Variants in ERCC6L2 observed in about 807,000 individuals in gnomAD.
ERCC6L2 encodes the protein DNA excision repair protein ERCC-6-like 2.
In ERCC6L2, 77 loss-of-function variants were observed where a neutral mutation model predicts 132.0. The observed-to-expected ratio is 0.58, with a 90% CI of 0.49 to 0.71. ERCC6L2 has a LOEUF of 0.71. ERCC6L2 is among the 30% of genes least tolerant of loss of function. The probability of loss-of-function intolerance (pLI) is 0.00; values close to 1 mark genes in which losing one functional copy is unlikely to be tolerated. For synonymous variants in ERCC6L2, 583 were observed against 632.4 expected (o/e 0.92, Z 1.17); for missense variants, 1,542 against 1,837.6 (o/e 0.84, Z 2.94).
intron 16 of ERCC6L2, among the ~76,000 whole-genome samples, chr9:95,976,640 T>A (rs1470125074): frequency 6.6e-6 from 1 of 152,306 alleles, no homozygotes; most frequent in African/African-American, 2.4e-5. Context: ...TGAGGGTATC[T>A]TGTTATCTAA....
At chr9:95,879,048 T>G in intron 1 of ERCC6L2, among the ~76,000 whole-genome samples, 1 of 151,938 alleles carries the variant, frequency 6.6e-6, no homozygotes, top group East Asian at 1.9e-4. Context: ...TCAAATGGTA[T>G]TTCTAGTTCT....
chr9:96,029,428 C>T (rs1400870520), intron 19 of ERCC6L2, among the ~76,000 whole-genome samples: 4 of 152,018 alleles, frequency 2.6e-5, no homozygotes, highest in Admixed American at 6.6e-5. Flanking sequence ...GCTGCCCTTA[C>T]CACACTGTTC....
intron 19 of ERCC6L2, among the ~76,000 whole-genome samples, chr9:96,037,275 A>G (rs1176876436): frequency 6.6e-6 from 1 of 152,134 alleles, no homozygotes; most frequent in African/African-American, 2.4e-5. Context: ...TGCTATTGTC[A>G]ACTGCACACA....
At chr9:95,893,489 C>G (rs545275199) in intron 2 of ERCC6L2, among the ~76,000 whole-genome samples, 1 of 152,128 alleles carries the variant, frequency 6.6e-6, no homozygotes, top group Non-Finnish European at 1.5e-5. Flanking sequence ...AGTATTTTCC[C>G]CTTTTTCTAA....
intron 19 of ERCC6L2, among the ~76,000 whole-genome samples, chr9:96,031,717 TC>T (rs983544659): frequency 3.3e-5 from 5 of 152,304 alleles, no homozygotes; most frequent in African/African-American, 1.2e-4. Flanking sequence ...AGTGGGCAGA[TC>T]CCTGAGCCCT....
At chr9:95,973,340 CA>C (rs1182635934) in intron 16 of ERCC6L2, among the ~76,000 whole-genome samples, 1 of 152,226 alleles carries the variant, frequency 6.6e-6, no homozygotes, top group East Asian at 1.9e-4. Flanking sequence ...CCATAAATAC[CA>C]ATTATTCTAG....
chr9:95,944,397 G>A (rs1187954329), intron 12 of ERCC6L2, among the ~76,000 whole-genome samples: 1 of 152,194 alleles, frequency 6.6e-6, no homozygotes, highest in Non-Finnish European at 1.5e-5. Flanking sequence ...TGTGTAATGG[G>A]CATGGAATTT....
chr9:96,028,503 C>T (rs547157277), intron 19 of ERCC6L2, among the ~76,000 whole-genome samples: 2 of 152,286 alleles, frequency 1.3e-5, no homozygotes, highest in East Asian at 1.9e-4. Flanking sequence ...TAGGGTCCCA[C>T]GCAACAGAGG....
intron 6 of ERCC6L2, among the ~76,000 whole-genome samples, chr9:95,916,982 G>C (rs11790370): frequency 0.13 from 19,769 of 152,012 alleles, 1,362 homozygotes; most frequent in South Asian, 0.24. Flanking sequence ...ACCGTGCCTG[G>C]CCTCATCAAA....
rs1374404874 is a variant in ERCC6L2 at position 95,907,137 on chromosome 9, C to T, written c.654C>T (p.Thr218=). The T allele has an allele frequency of 6.2e-7, 1 of 1,613,190 alleles. No individual in the cohort carries two copies. Among genetic ancestry groups the T allele is most frequent in the Non-Finnish European group, 8.5e-7 (1 of 1,179,592 alleles). ...VLYNWKDELD[T]WGYFRVTVLH... ...ACAACTGGAAGGATGAATTGGACACCTGGGGATATTTCAGAGTCACTGTTT... is the reference window on the plus strand; with the variant it reads ...ACAACTGGAAGGATGAATTGGACACTTGGGGATATTTCAGAGTCACTGTTT... The change falls in exon 4 of 19, where the codon ACC becomes ACT. Residue 218 remains threonine (T), a synonymous_variant. Transcript: ENST00000653738.
chr9:95,890,681 T>A (rs1169523829), intron 2 of ERCC6L2, among the ~76,000 whole-genome samples: 1 of 152,160 alleles, frequency 6.6e-6, no homozygotes. Context: ...GTGTTTTTGT[T>A]TTTTGAGACA....
intron 3 of ERCC6L2, among the ~76,000 whole-genome samples, chr9:95,902,413 C>T (rs1255603703): frequency 2.6e-5 from 4 of 151,968 alleles, no homozygotes; most frequent in African/African-American, 4.8e-5. Flanking sequence ...ACACCAGCAT[C>T]GGAAGCAATT....
At chr9:95,894,821 C>G (rs558021599) in intron 2 of ERCC6L2, among the ~76,000 whole-genome samples, 1 of 152,170 alleles carries the variant, frequency 6.6e-6, no homozygotes, top group Admixed American at 6.5e-5. Context: ...GTTTTGAACT[C>G]CTAACCTCAG....
At chr9:95,961,418 A>C (rs994090157) in intron 13 of ERCC6L2, among the ~76,000 whole-genome samples, 75 of 152,274 alleles carry the variant, frequency 4.9e-4, no homozygotes, top group African/African-American at 1.7e-3. Context: ...ATCATTCCCT[A>C]AAATCTTCAG....
intron 11 of ERCC6L2, among the ~76,000 whole-genome samples, chr9:95,931,516 A>G (rs891449897): frequency 9.8e-5 from 15 of 152,292 alleles, no homozygotes; most frequent in African/African-American, 2.6e-4. Flanking sequence ...GCCAGAATAT[A>G]TAGGAAGTAA....
At chr9:95,932,486 T>C (rs969494704) in intron 11 of ERCC6L2, among the ~76,000 whole-genome samples, 1 of 152,194 alleles carries the variant, frequency 6.6e-6, no homozygotes, top group Non-Finnish European at 1.5e-5. Flanking sequence ...TCAGTTTATT[T>C]AAAGAATGAT....
intron 13 of ERCC6L2, among the ~76,000 whole-genome samples, chr9:95,966,119 C>G (rs1464241109): frequency 6.6e-6 from 1 of 152,116 alleles, no homozygotes; most frequent in African/African-American, 2.4e-5. Context: ...GTAGTCAAGC[C>G]ACAATTAGTT....
At chr9:95,957,274 T>G (rs1238405822) in intron 13 of ERCC6L2, among the ~76,000 whole-genome samples, 1 of 152,184 alleles carries the variant, frequency 6.6e-6, no homozygotes, top group Non-Finnish European at 1.5e-5. Context: ...AGCAAACATC[T>G]GCCACATGTG....
chr9:96,008,190 G>A (rs1425449480), intron 18 of ERCC6L2, among the ~76,000 whole-genome samples: 1 of 151,960 alleles, frequency 6.6e-6, no homozygotes, highest in South Asian at 2.1e-4. Context: ...GTTCTCGATC[G>A]CCTCCAAGAG....
Sources: allele counts gnomAD v4.1 joint callset (sites outside exome capture counted in the v4.1 genomes callset), GRCh38; gene constraint gnomAD v4.1.1; transcripts MANE v1.5; gene names NCBI Gene and HGNC (gene_info 2026-07-23, HGNC 2026-07-21).